LAMC3: variants seen among roughly 807,000 people sequenced by gnomAD.
LAMC3 encodes the protein laminin subunit gamma 3, also known as laminin subunit gamma-3.
Under a neutral mutation model 173.8 loss-of-function variants are expected in LAMC3, and 128 were observed. The observed-to-expected ratio is 0.74, with a 90% confidence interval of 0.64 to 0.85. The LOEUF (loss-of-function observed/expected upper bound fraction) is 0.85, where lower values mean the gene tolerates loss of function less well. Among genes scored for constraint, LAMC3 ranks in the 40% least tolerant of loss-of-function variants. The probability of loss-of-function intolerance (pLI) is 0.00; values close to 1 mark genes in which losing one functional copy is unlikely to be tolerated. For synonymous variants in LAMC3, 897 were observed against 909.1 expected, an observed-to-expected ratio of 0.99 and a Z score of 0.24; for missense variants, 2,022 against 2,156.0, an observed-to-expected ratio of 0.94 and a Z score of 1.23.
At chr9:131,035,843 C>T (rs960964051) in intron 3 of LAMC3, among the ~76,000 whole-genome samples, 7 of 152,292 alleles carry the variant, frequency 4.6e-5, no homozygotes, top group Admixed American at 2.6e-4. Flanking sequence ...CCAGGTGGGG[C>T]TCCTCCCAGG....
At chr9:131,046,605 C>G (rs997351291) in intron 8 of LAMC3, among the ~76,000 whole-genome samples, 1 of 131,758 alleles carries the variant, frequency 7.6e-6, no homozygotes, top group African/African-American at 2.9e-5. Context: ...CTCAGGCAAT[C>G]CCGCCCACCT....
Position 131,064,851 on chromosome 9 carries a change from G to A in LAMC3, c.2348-2109G>A, listed in dbSNP as rs1417088826. Among the ~76,000 whole-genome samples, 8 of 151,782 alleles carry A rather than the reference G, an allele frequency of 5.3e-5. No homozygotes were observed. The South Asian group carries it at 1.7e-3, about 32-fold the overall frequency. ...AGGTCAGGAGTTCCAGACCAGCATG[G>A]CCAACATGACAAGAACCCGTCTCTA... On this transcript the variant is annotated intron_variant, in intron 13 of 27. Transcript: ENST00000361069.
rs754650585 is a variant in LAMC3, at chr9:131,041,679, C to A, written c.1326C>A (p.Asp442Glu). ...CCGCTGGCAGCCTGGACACCTGTGA[C>A]CCCCGCAGTGGGCGCTGCCCCTGCA... ...CNPAGSLDTCDPRSGRCPCKE... is the reference protein window; with the variant it reads ...CNPAGSLDTCEPRSGRCPCKE... The change falls in exon 7 of 28, where the codon GAC becomes GAA. Residue 442 changes from aspartate (D) to glutamate (E), a missense_variant. Physicochemically the swap from Asp to Glu is conservative, Grantham distance 45. Transcript: ENST00000361069. 1.9e-6 allele frequency: 3 copies of A among 1,614,008 alleles called. No homozygotes were observed. In the African/African-American group the frequency reaches 4.0e-5, roughly 22 times the overall value.
chr9:131,013,222 C>G (rs1833456398), intron 1 of LAMC3, among the ~76,000 whole-genome samples: 1 of 152,208 alleles, frequency 6.6e-6, no homozygotes, highest in African/African-American at 2.4e-5. Context: ...GGGACCCTCC[C>G]CCTAACTGCT....
intron 21 of LAMC3, among the ~76,000 whole-genome samples, chr9:131,076,827 C>T (rs562979337): frequency 2.0e-5 from 3 of 152,316 alleles, no homozygotes; most frequent in East Asian, 3.9e-4. Context: ...GGACCAGGAC[C>T]GGGGCCGCTG....
At chr9:131,048,917 C>CT in intron 8 of LAMC3, 103 bp from the exon 9 acceptor site, 1 of 660,560 alleles carries the variant, frequency 1.5e-6, no homozygotes, top group Non-Finnish European at 2.6e-6. Context: ...CTAGCTTCTC[C>CT]TGGGGCTCCC....
Position 131,026,584 on chromosome 9 carries a change from C to T in LAMC3, c.673C>T (p.Leu225=). ...SAYNFEESPG[L]QEWVTSTELL... is the part of the protein sequence containing the mutation. ...CTACAACTTCGAGGAGAGCCCTGGG[C>T]TGCAGGTCAGGGAGGAGCGGGGCTT... Residue 225 remains leucine (L), a synonymous_variant, in exon 2 of 28, where the codon CTG becomes TTG. Transcript: ENST00000361069. This position sits in a 1 kb window ranked among gnomAD's most constrained non-coding sequence, Gnocchi z 4.8. The T allele has an allele frequency of 1.9e-6, 3 of 1,592,008 alleles. No homozygotes were observed. In the South Asian group the frequency reaches 3.4e-5, roughly 18 times the overall value.
intron 11 of LAMC3, among the ~76,000 whole-genome samples, chr9:131,054,108 A>G (rs1321200311): frequency 5.3e-5 from 8 of 152,252 alleles, no homozygotes; most frequent in Non-Finnish European, 5.9e-5. Flanking sequence ...CTACCCTTCC[A>G]GCACCACGCA....
intron 9 of LAMC3, 101 bp downstream of exon 9, chr9:131,049,231 T>G: frequency 4.0e-6 from 3 of 758,984 alleles, no homozygotes; most frequent in Non-Finnish European, 7.1e-6. Context: ...GCCAGTTTAT[T>G]CTCTTAGAGT....
chr9:131,036,593 C>T (rs1257560428), intron 4 of LAMC3, among the ~76,000 whole-genome samples: 2 of 152,080 alleles, frequency 1.3e-5, no homozygotes, highest in South Asian at 2.1e-4. Context: ...GTGGGAGGGC[C>T]GGAAGGTCCC....
At chr9:131,047,857 T>C (rs895459960) in intron 8 of LAMC3, among the ~76,000 whole-genome samples, 6 of 151,444 alleles carry the variant, frequency 4.0e-5, no homozygotes, top group African/African-American at 1.5e-4. Context: ...GGTGAGACTC[T>C]GTCTCAAAAA....
At chr9:131,022,586 G>T (rs1186164964) in intron 1 of LAMC3, among the ~76,000 whole-genome samples, 1 of 151,272 alleles carries the variant, frequency 6.6e-6, no homozygotes, top group Non-Finnish European at 1.5e-5. Context: ...TTTGAGACAG[G>T]GTCTCACTCT....
intron 1 of LAMC3, among the ~76,000 whole-genome samples, chr9:131,021,462 GT>G (rs1277019574): frequency 6.6e-6 from 1 of 152,004 alleles, no homozygotes; most frequent in East Asian, 1.9e-4. Context: ...TGGATGTGAG[GT>G]CCAATAATAC....
At position 131,049,134 on chromosome 9, in the gene LAMC3, C is replaced by T. The variant is rs539084254; in HGVS notation, c.1630+4C>T. ...GAGGAGGAGCTCACAGCACCAGGTA[C>T]CTCCAGCACCAGGTGGGGGCTGGCC... is the stretch of plus-strand genomic sequence containing the variant. On this transcript the variant is annotated splice_donor_region_variant and intron_variant, in intron 9 of 27. Coordinates refer to ENST00000361069, the MANE Select transcript of LAMC3 (RefSeq NM_006059.4). 56 of 1,529,424 alleles carry T rather than the reference C, an allele frequency of 3.7e-5. No individual in the cohort carries two copies. The highest frequency in any genetic ancestry group is 4.4e-5 in the Non-Finnish European group (50 of 1,126,750). The allele number at this position is 1,529,424 out of a possible 1,614,324, so 94.7% of individuals were successfully genotyped here. A position where few individuals can be genotyped will look rare whatever the true frequency, so the allele number is the denominator to read the frequency against.
At chr9:131,048,266 A>G (rs1834213842) in intron 8 of LAMC3, among the ~76,000 whole-genome samples, 1 of 152,046 alleles carries the variant, frequency 6.6e-6, no homozygotes, top group African/African-American at 2.4e-5. Flanking sequence ...CATGTTGGCC[A>G]GGCTGGTCTC....
intron 20 of LAMC3, 107 bp from the exon 21 acceptor site, chr9:131,075,724 C>T: frequency 7.8e-7 from 1 of 1,278,244 alleles, no homozygotes; most frequent in Non-Finnish European, 1.1e-6. Flanking sequence ...TTGTGGCTGT[C>T]CTCTGTTAGG....
At chr9:131,024,794 C>T (rs964164955) in intron 1 of LAMC3, among the ~76,000 whole-genome samples, 16 of 152,138 alleles carry the variant, frequency 1.1e-4, no homozygotes, top group African/African-American at 3.9e-4. Flanking sequence ...AAGAGACGCC[C>T]GGTGCCGACG....
At position 131,020,282 on chromosome 9, in the gene LAMC3, C is replaced by G. The variant is rs79565907; in HGVS notation, c.374-6003C>G. 5.1e-3 allele frequency among the ~76,000 whole-genome samples: 775 copies of G among 152,254 alleles called. 2 individuals are homozygous for G. The highest frequency in any genetic ancestry group is 9.2e-3 in the Admixed American group (140 of 15,288). On this transcript the variant is annotated intron_variant, in intron 1 of 27. Transcript: ENST00000361069. ...TAGCCCCATCTGGCCACCCACTGTTCTTGTTCTTCCTCTCCCAGCCAAGCT... is the reference window on the plus strand; with the variant it reads ...TAGCCCCATCTGGCCACCCACTGTTGTTGTTCTTCCTCTCCCAGCCAAGCT...
chr9:131,021,534 A>C (rs754257626), intron 1 of LAMC3, among the ~76,000 whole-genome samples: 17 of 152,138 alleles, frequency 1.1e-4, no homozygotes, highest in Non-Finnish European at 1.9e-4. Flanking sequence ...CTCTCAGACG[A>C]CAGCCATCAT....
Sources: gnomAD v4.1 joint callset for allele counts (sites outside exome capture counted in the v4.1 genomes callset) on GRCh38, gnomAD v4.1.1 for gene constraint, Gnocchi (gnomAD v3.1) non-coding constraint, MANE v1.5 for transcripts, NCBI Gene and HGNC (gene_info 2026-07-23, HGNC 2026-07-21) for gene names.